Variants in EPHA6 observed in about 807,000 individuals in gnomAD.
EPHA6 encodes ephrin type-A receptor 6.
A neutral mutation model predicts 112.0 loss-of-function variants in EPHA6; 50 were observed. That is an observed-to-expected ratio of 0.45 (90% CI 0.36 to 0.56). The LOEUF (loss-of-function observed/expected upper bound fraction) is 0.56. Ranked by LOEUF, EPHA6 falls within the 20% of genes least tolerant of loss-of-function variation. The pLI, the probability that EPHA6 is intolerant of heterozygous loss-of-function variation, is 0.00. For synonymous variants in EPHA6, 529 were observed against 490.7 expected, an observed-to-expected ratio of 1.08 and a Z score of -1.03; for missense variants, 1,280 against 1,417.4, an observed-to-expected ratio of 0.90 and a Z score of 1.56.
intron 2 of EPHA6, among the ~76,000 whole-genome samples, chr3:96,871,009 T>A (rs2036595195): frequency 6.6e-6 from 1 of 152,048 alleles, no homozygotes; most frequent in African/African-American, 2.4e-5. Flanking sequence ...AATGTAAATT[T>A]TGGTGATAAT....
intron 2 of EPHA6, among the ~76,000 whole-genome samples, chr3:96,904,240 A>T (rs577503983): frequency 1.3e-5 from 2 of 152,174 alleles, no homozygotes; most frequent in African/African-American, 4.8e-5. Flanking sequence ...GGATTAAGAA[A>T]ATGTGGCACA....
At position 97,592,639 on chromosome 3, in the gene EPHA6, C is replaced by T. The variant is rs4857276; in HGVS notation, c.2414C>T (p.Ala805Val). Residue 805 changes from alanine to valine, a missense_variant, in exon 12 of 18, where the codon GCG becomes GTG. Physicochemically the swap from Ala to Val is moderately conservative, Grantham distance 64. This residue lies in a region of EPHA6 where 878 missense variants were observed against 999.7 expected (regional missense o/e 0.88). Coordinates refer to ENST00000389672, the MANE Select transcript of EPHA6 (RefSeq NM_001080448.3). ...TCCTTCCCGGCCATTGGGGTGGAGG[C>T]GTTTTGCCCCAGCTTCCTGAGGGCA... ...KRSFPAIGVE[A>V]FCPSFLRAGF... The T allele has an allele frequency of 0.011, 18,095 of 1,613,240 alleles. 816 individuals are homozygous for T. The Admixed American group carries it at 0.14, about 13-fold the overall frequency.
At chr3:96,947,041 T>G (rs1050835139) in intron 2 of EPHA6, among the ~76,000 whole-genome samples, 2 of 151,990 alleles carry the variant, frequency 1.3e-5, no homozygotes, top group African/African-American at 4.8e-5. Flanking sequence ...TTTTTTTTTT[T>G]GTAGATTTGT....
chr3:97,210,995 T>A (rs1484653347), intron 3 of EPHA6, among the ~76,000 whole-genome samples: 1 of 152,170 alleles, frequency 6.6e-6, no homozygotes, highest in Non-Finnish European at 1.5e-5. Context: ...TGCTTGGTCT[T>A]CCTCCTGCCA....
At chr3:97,337,655 A>C (rs1020946987) in intron 5 of EPHA6, among the ~76,000 whole-genome samples, 2 of 152,178 alleles carry the variant, frequency 1.3e-5, no homozygotes, top group African/African-American at 4.8e-5. Context: ...GCAAGGAGGA[A>C]ACTTTAGGGA....
At chr3:97,435,810 C>T (rs2089799284) in intron 6 of EPHA6, among the ~76,000 whole-genome samples, 1 of 152,042 alleles carries the variant, frequency 6.6e-6, no homozygotes, top group African/African-American at 2.4e-5. Context: ...TAAATTTGTT[C>T]ACTCTTTGAT....
chr3:97,284,753 C>CA (rs1250395481), intron 5 of EPHA6, among the ~76,000 whole-genome samples: 1 of 152,010 alleles, frequency 6.6e-6, no homozygotes, highest in African/African-American at 2.4e-5. Flanking sequence ...AGGTGGGAGA[C>CA]AAAAAAATTC....
chr3:97,598,345 A>T (rs1368095238), intron 12 of EPHA6, among the ~76,000 whole-genome samples: 1 of 150,752 alleles, frequency 6.6e-6, no homozygotes, highest in Admixed American at 6.6e-5. Flanking sequence ...TACATGTGCC[A>T]TGCTGGTGCG....
At chr3:97,688,830 T>C (rs1013809789) in intron 14 of EPHA6, among the ~76,000 whole-genome samples, 1 of 152,118 alleles carries the variant, frequency 6.6e-6, no homozygotes, top group Non-Finnish European at 1.5e-5. Flanking sequence ...TACTTCCAAA[T>C]ATAGGAAAGA....
intron 3 of EPHA6, among the ~76,000 whole-genome samples, chr3:97,020,888 C>A (rs2044434517): frequency 6.6e-6 from 1 of 151,918 alleles, no homozygotes; most frequent in African/African-American, 2.4e-5. Context: ...TATCCTACTG[C>A]TCAAAGTCAT....
intron 3 of EPHA6, among the ~76,000 whole-genome samples, chr3:97,172,381 A>G (rs1170613354): frequency 6.6e-6 from 1 of 151,966 alleles, no homozygotes; most frequent in Non-Finnish European, 1.5e-5. Context: ...GCCAGCTGGG[A>G]AGCTATTTAC....
intron 5 of EPHA6, among the ~76,000 whole-genome samples, chr3:97,391,672 G>A (rs2086407167): frequency 6.6e-6 from 1 of 151,828 alleles, no homozygotes; most frequent in Non-Finnish European, 1.5e-5. Flanking sequence ...ATGTCACAAG[G>A]AATAGAGAGT....
intron 2 of EPHA6, among the ~76,000 whole-genome samples, chr3:96,930,098 T>G (rs1444447501): frequency 6.6e-6 from 1 of 152,212 alleles, no homozygotes; most frequent in Non-Finnish European, 1.5e-5. Context: ...AAATTGGCTA[T>G]TTTGGTTGTC....
intron 11 of EPHA6, chr3:97,559,606 T>A (rs2093160689): frequency 4.4e-6 from 2 of 454,934 alleles, no homozygotes; most frequent in South Asian, 1.6e-5. Flanking sequence ...CTGGAAATGA[T>A]GACATATATC....
intron 2 of EPHA6, among the ~76,000 whole-genome samples, chr3:96,888,055 C>A (rs761400636): frequency 1.3e-5 from 2 of 152,152 alleles, no homozygotes; most frequent in Non-Finnish European, 2.9e-5. Context: ...ACTCTTCCCC[C>A]ACCTGTGGAG....
intron 1 of EPHA6, among the ~76,000 whole-genome samples, chr3:96,832,544 CCA>C (rs2034151029): frequency 6.6e-6 from 1 of 151,968 alleles, no homozygotes. Context: ...TATGCTAAAT[CCA>C]CAATTTCAGT....
chr3:97,147,568 A>T (rs1227088685), intron 3 of EPHA6, among the ~76,000 whole-genome samples: 1 of 152,112 alleles, frequency 6.6e-6, no homozygotes, highest in African/African-American at 2.4e-5. Context: ...GTCTTTCTGG[A>T]AGTACAATGT....
At chr3:96,877,553 C>T (rs1259943602) in intron 2 of EPHA6, among the ~76,000 whole-genome samples, 2 of 151,902 alleles carry the variant, frequency 1.3e-5, no homozygotes, top group African/African-American at 4.8e-5. Flanking sequence ...AAAAATAGAA[C>T]ATATGGATTT....
chr3:97,314,196 G>A (rs2081699238), intron 5 of EPHA6, among the ~76,000 whole-genome samples: 1 of 151,576 alleles, frequency 6.6e-6, no homozygotes. Flanking sequence ...TAAACATGGT[G>A]TTTATTTCTG....
Sources: gnomAD v4.1 joint callset for allele counts (sites outside exome capture counted in the v4.1 genomes callset) on GRCh38, gnomAD v4.1.1 for gene constraint, gnomAD v4.1.1 regional missense constraint, MANE v1.5 for transcripts, NCBI Gene and HGNC (gene_info 2026-07-23, HGNC 2026-07-21) for gene names.